IQCJ: variants seen among roughly 807,000 people sequenced by gnomAD.
IQCJ encodes IQ domain-containing protein J.
In IQCJ, 9 loss-of-function variants were observed where a neutral mutation model predicts 11.0. The observed-to-expected ratio is 0.82, with a 90% CI of 0.49 to 1.43. IQCJ has a LOEUF of 1.43. Among genes scored for constraint, IQCJ ranks in the 40% most tolerant of loss-of-function variants. The pLI is 0.00. For missense variants in IQCJ, 146 were observed against 133.2 expected, an observed-to-expected ratio of 1.10 and a Z score of -0.47; for synonymous variants, 55 against 51.3, an observed-to-expected ratio of 1.07 and a Z score of -0.31.
At chr3:159,181,034 A>G (rs2108014853) in intron 1 of IQCJ, among the ~76,000 whole-genome samples, 1 of 151,992 alleles carries the variant, frequency 6.6e-6, no homozygotes, top group South Asian at 2.1e-4. Flanking sequence ...TTCATAGCTA[A>G]GTATCTTCAA....
intron 1 of IQCJ, among the ~76,000 whole-genome samples, chr3:159,142,260 A>G (rs944586378): frequency 2.6e-5 from 4 of 152,158 alleles, no homozygotes; most frequent in Non-Finnish European, 5.9e-5. Flanking sequence ...GAGCATTCCC[A>G]AGGATTGTTC....
intron 3 of IQCJ, among the ~76,000 whole-genome samples, chr3:159,254,063 G>A (rs778344523): frequency 3.3e-5 from 5 of 152,128 alleles, no homozygotes; most frequent in Admixed American, 2.6e-4. Flanking sequence ...TCAGGCTATC[G>A]AATCATTTTG....
At chr3:159,175,712 C>T (rs920648802) in intron 1 of IQCJ, among the ~76,000 whole-genome samples, 1 of 152,124 alleles carries the variant, frequency 6.6e-6, no homozygotes, top group Admixed American at 6.6e-5. Context: ...CATATAGATA[C>T]TCTACAATAT....
At chr3:159,156,314 A>G (rs1365303269) in intron 1 of IQCJ, among the ~76,000 whole-genome samples, 1 of 152,220 alleles carries the variant, frequency 6.6e-6, no homozygotes, top group East Asian at 1.9e-4. Context: ...AGCAAGAGAT[A>G]ACTAGGAAGA....
At chr3:159,114,914 T>G (rs1244452827) in intron 1 of IQCJ, among the ~76,000 whole-genome samples, 2 of 152,236 alleles carry the variant, frequency 1.3e-5, no homozygotes, top group Non-Finnish European at 2.9e-5. Flanking sequence ...TCAGGTTTCC[T>G]GCCCCCCTGC....
chr3:159,202,634 G>A (rs1344859302), intron 1 of IQCJ, among the ~76,000 whole-genome samples: 1 of 152,084 alleles, frequency 6.6e-6, no homozygotes, highest in Non-Finnish European at 1.5e-5. Flanking sequence ...ATGTTCTATA[G>A]TGGCAAGCTA....
At chr3:159,144,384 A>G (rs182315402) in intron 1 of IQCJ, among the ~76,000 whole-genome samples, 1 of 152,336 alleles carries the variant, frequency 6.6e-6, no homozygotes, top group East Asian at 1.9e-4. Context: ...TAGCTGGCAC[A>G]TCTTTGGCAT....
At chr3:159,184,049 C>G (rs1455607537) in intron 1 of IQCJ, among the ~76,000 whole-genome samples, 2 of 151,616 alleles carry the variant, frequency 1.3e-5, no homozygotes, top group Non-Finnish European at 2.9e-5. Flanking sequence ...CCCACCCTTA[C>G]TTAAAATACT....
intron 1 of IQCJ, 61 bp downstream of exon 1, chr3:159,069,502 A>G: frequency 2.6e-6 from 4 of 1,561,436 alleles, no homozygotes; most frequent in Non-Finnish European, 3.5e-6. Context: ...GCTGCTTATT[A>G]TTTTTTAAAA....
intron 1 of IQCJ, among the ~76,000 whole-genome samples, chr3:159,093,521 G>A (rs1045612496): frequency 4.0e-5 from 6 of 151,750 alleles, no homozygotes; most frequent in Middle Eastern, 3.4e-3. Context: ...CCTTGCCCTC[G>A]AAACTGATGT....
At chr3:159,158,737 A>G (rs1211349167) in intron 1 of IQCJ, among the ~76,000 whole-genome samples, 2 of 152,244 alleles carry the variant, frequency 1.3e-5, no homozygotes, top group Non-Finnish European at 2.9e-5. Context: ...CTTTGTTACT[A>G]AAATAAATGA....
At chr3:159,247,253 C>G (rs969983249) in intron 2 of IQCJ, among the ~76,000 whole-genome samples, 1 of 152,094 alleles carries the variant, frequency 6.6e-6, no homozygotes, top group Non-Finnish European at 1.5e-5. Flanking sequence ...CGTGCCACCA[C>G]GCCCGGCTAA....
At chr3:159,076,838 A>G (rs1715951480) in intron 1 of IQCJ, among the ~76,000 whole-genome samples, 1 of 152,138 alleles carries the variant, frequency 6.6e-6, no homozygotes, top group Non-Finnish European at 1.5e-5. Flanking sequence ...ATCATTTATC[A>G]GCCGAGTGAC....
intron 1 of IQCJ, among the ~76,000 whole-genome samples, chr3:159,134,381 C>T (rs1720166691): frequency 6.6e-6 from 1 of 152,110 alleles, no homozygotes; most frequent in Non-Finnish European, 1.5e-5. Flanking sequence ...GCGTGAACAC[C>T]AGTAAGTGGG....
intron 1 of IQCJ, among the ~76,000 whole-genome samples, chr3:159,074,460 A>T (rs6441247): frequency 1.9e-4 from 29 of 152,088 alleles, no homozygotes; most frequent in Non-Finnish European, 3.4e-4. Context: ...GACAGGAGGA[A>T]GATCTTGTTG....
Position 159,263,655 on chromosome 3 carries a change from A to G in IQCJ, c.*924A>G. The G allele has an allele frequency of 1.0e-6, 1 of 985,468 alleles. No individual in the cohort carries two copies. Among genetic ancestry groups the G allele is most frequent in the Admixed American group, 6.1e-5 (1 of 16,286 alleles). The allele number at this position is 985,468 out of a possible 1,614,324, so 61.0% of individuals were successfully genotyped here. On this transcript the variant is annotated 3_prime_UTR_variant, in exon 4 of 4. Coordinates refer to ENST00000397832, the MANE Select transcript of IQCJ (RefSeq NM_001042706.3). ...TTATTCTGTGGTAAAAAGGTTTCCC[A>G]ACACTCAACGCAATGTATTCTTTTT...
At chr3:159,110,024 A>G (rs1718527837) in intron 1 of IQCJ, among the ~76,000 whole-genome samples, 2 of 152,156 alleles carry the variant, frequency 1.3e-5, no homozygotes, top group African/African-American at 4.8e-5. Context: ...GTAGTATTTT[A>G]GCAATCAGAT....
At chr3:159,091,663 C>T (rs1285745868) in intron 1 of IQCJ, among the ~76,000 whole-genome samples, 1 of 51,682 alleles carries the variant, frequency 1.9e-5, no homozygotes, top group African/African-American at 6.9e-5. Flanking sequence ...CACACACACA[C>T]ACACACGCAT....
At chr3:159,144,025 AGCATACT>A (rs1297766724) in intron 1 of IQCJ, among the ~76,000 whole-genome samples, 3 of 152,188 alleles carry the variant, frequency 2.0e-5, no homozygotes. Flanking sequence ...TCCTTTTATA[AGCATACT>A]AATCGATTCA....
Sources: gnomAD v4.1 joint callset for allele counts (sites outside exome capture counted in the v4.1 genomes callset) on GRCh38, gnomAD v4.1.1 for gene constraint, MANE v1.5 for transcripts, NCBI Gene and HGNC (gene_info 2026-07-23, HGNC 2026-07-21) for gene names.